Variants in CNTN5 observed in about 807,000 individuals in gnomAD.
CNTN5 encodes the protein contactin-5.
In CNTN5, 77 loss-of-function variants were observed where a neutral mutation model predicts 129.1. That is an observed-to-expected ratio of 0.60 (90% CI 0.50 to 0.72). The LOEUF (loss-of-function observed/expected upper bound fraction) is 0.72. CNTN5 is among the 30% of genes least tolerant of loss of function. The probability of loss-of-function intolerance (pLI) is 0.00; values close to 1 mark genes in which losing one functional copy is unlikely to be tolerated. For synonymous variants in CNTN5, 509 were observed against 465.6 expected (o/e 1.09, Z -1.20); for missense variants, 1,478 against 1,328.8 (o/e 1.11, Z -1.75).
intron 13 of CNTN5, among the ~76,000 whole-genome samples, chr11:100,186,443 G>A (rs1363653210): frequency 6.6e-6 from 1 of 152,008 alleles, no homozygotes; most frequent in Non-Finnish European, 1.5e-5. Flanking sequence ...ATCAAGATAG[G>A]CAAAATAAGT....
intron 13 of CNTN5, among the ~76,000 whole-genome samples, chr11:100,151,091 G>GTCAA (rs1459974142): frequency 6.6e-6 from 1 of 152,050 alleles, no homozygotes; most frequent in African/African-American, 2.4e-5. Context: ...GAGAAATAAT[G>GTCAA]TCAATCATTT....
At chr11:99,652,535 CAG>C in intron 3 of CNTN5, among the ~76,000 whole-genome samples, 3 of 152,104 alleles carry the variant, frequency 2.0e-5, no homozygotes, top group Admixed American at 2.0e-4. Context: ...TCCTGTCAAC[CAG>C]AGTGATTTAT....
intron 7 of CNTN5, among the ~76,000 whole-genome samples, chr11:99,932,768 G>T (rs1343340471): frequency 1.3e-5 from 2 of 152,078 alleles, no homozygotes; most frequent in African/African-American, 4.8e-5. Flanking sequence ...TGATGATGAT[G>T]CCCTCTTCAT....
chr11:99,492,213 G>A (rs1013823098), intron 2 of CNTN5, among the ~76,000 whole-genome samples: 3 of 152,128 alleles, frequency 2.0e-5, no homozygotes, highest in Non-Finnish European at 4.4e-5. Context: ...TATGTGACGG[G>A]TCATGTTCAT....
At chr11:100,249,819 A>G (rs889465922) in intron 16 of CNTN5, among the ~76,000 whole-genome samples, 1 of 152,226 alleles carries the variant, frequency 6.6e-6, no homozygotes, top group Non-Finnish European at 1.5e-5. Context: ...CTATATCAAT[A>G]GGTTGATGTA....
At chr11:99,970,905 G>C (rs988598505) in intron 8 of CNTN5, among the ~76,000 whole-genome samples, 2 of 152,016 alleles carry the variant, frequency 1.3e-5, no homozygotes, top group Non-Finnish European at 2.9e-5. Flanking sequence ...ACAGTTTTCT[G>C]ACTCCATAAT....
chr11:99,710,506 T>C (rs1313700586), intron 3 of CNTN5, among the ~76,000 whole-genome samples: 1 of 151,808 alleles, frequency 6.6e-6, no homozygotes, highest in Admixed American at 6.6e-5. Context: ...GAATAGTTCA[T>C]GCAAGGGGCA....
At chr11:99,515,195 G>A (rs887395964) in intron 2 of CNTN5, among the ~76,000 whole-genome samples, 2 of 152,008 alleles carry the variant, frequency 1.3e-5, no homozygotes, top group South Asian at 4.1e-4. Context: ...TATAAAAGAA[G>A]CAGCGAAGAG....
At chr11:99,025,143 G>A (rs898234395) in intron 1 of CNTN5, among the ~76,000 whole-genome samples, 1 of 151,842 alleles carries the variant, frequency 6.6e-6, no homozygotes, top group African/African-American at 2.4e-5. Context: ...TGCCAGTCAT[G>A]TTTCCAAATA....
chr11:99,892,096 G>A (rs11824238), intron 6 of CNTN5, among the ~76,000 whole-genome samples: 17 of 152,124 alleles, frequency 1.1e-4, no homozygotes, highest in East Asian at 1.9e-4. Context: ...GCTTTTCTTC[G>A]TATGTTTGTT....
intron 1 of CNTN5, among the ~76,000 whole-genome samples, chr11:99,066,651 C>T (rs77337045): frequency 0.026 from 3,993 of 152,146 alleles, 143 homozygotes; most frequent in African/African-American, 0.076. Context: ...GTGACCTAAG[C>T]CATGTATGTA....
chr11:99,840,771 T>C (rs550793444), intron 4 of CNTN5, among the ~76,000 whole-genome samples: 1 of 152,170 alleles, frequency 6.6e-6, no homozygotes, highest in Admixed American at 6.5e-5. Context: ...ATCTTTGTGA[T>C]AATTTGCTAT....
chr11:99,462,355 C>CT (rs1944736334), intron 2 of CNTN5, among the ~76,000 whole-genome samples: 2 of 88,326 alleles, frequency 2.3e-5, no homozygotes, highest in East Asian at 4.0e-4. Context: ...TTTTTCTTTT[C>CT]TTTTCTTTTT....
chr11:100,346,572 T>C (rs1165739510), intron 23 of CNTN5, among the ~76,000 whole-genome samples: 1 of 152,092 alleles, frequency 6.6e-6, no homozygotes, highest in Non-Finnish European at 1.5e-5. Flanking sequence ...TCAGAAAGAA[T>C]TCAGGACCTC....
intron 8 of CNTN5, among the ~76,000 whole-genome samples, chr11:99,966,952 A>T (rs909792298): frequency 3.0e-4 from 45 of 152,270 alleles, no homozygotes; most frequent in African/African-American, 1.1e-3. Context: ...TACTGTACAA[A>T]ATGCTGTGAT....
intron 3 of CNTN5, among the ~76,000 whole-genome samples, chr11:99,773,166 C>A (rs1591142380): frequency 6.6e-6 from 1 of 152,012 alleles, no homozygotes; most frequent in Admixed American, 6.6e-5. Flanking sequence ...CATAAGTCAA[C>A]CTGAATTTTA....
chr11:100,240,645 A>G (rs1344415251), intron 16 of CNTN5, among the ~76,000 whole-genome samples: 1 of 152,220 alleles, frequency 6.6e-6, no homozygotes, highest in Non-Finnish European at 1.5e-5. Flanking sequence ...TTCCATGATC[A>G]TGAAACATGT....
At chr11:99,522,639 T>C (rs530638019) in intron 2 of CNTN5, among the ~76,000 whole-genome samples, 18 of 152,308 alleles carry the variant, frequency 1.2e-4, no homozygotes, top group African/African-American at 4.3e-4. Context: ...TGACTCATCT[T>C]TTAAAAATTG....
In CNTN5 at chr11:100,350,792, T is replaced by C; in HGVS notation, c.3121T>C (p.Tyr1041His). 1.2e-6 allele frequency: 2 copies of C among 1,608,602 alleles called. No homozygotes were observed. Among genetic ancestry groups the C allele is most frequent in the South Asian group, 2.2e-5 (2 of 90,450 alleles). ...AVVPLPDAGV[Y>H]IIEVRAYSEG... is the part of the protein sequence containing the mutation. ...AGTACCACTCCCAGATGCTGGAGTCTATATTATTGAAGTTCGAGCATATAG... is the reference window on the plus strand; with the variant it reads ...AGTACCACTCCCAGATGCTGGAGTCCATATTATTGAAGTTCGAGCATATAG... The change falls in exon 24 of 25, where the codon TAT (tyrosine) becomes CAT (histidine). Residue 1041 changes from tyrosine (Y) to histidine (H), a missense_variant. Transcript: ENST00000524871.
Sources: gnomAD v4.1 joint callset for allele counts (sites outside exome capture counted in the v4.1 genomes callset) on GRCh38, gnomAD v4.1.1 for gene constraint, MANE v1.5 for transcripts, NCBI Gene and HGNC (gene_info 2026-07-23, HGNC 2026-07-21) for gene names.